Variants in TEC observed in about 807,000 individuals in gnomAD.
TEC encodes tec protein tyrosine kinase, also known as tyrosine-protein kinase Tec.
Under a neutral mutation model 93.0 loss-of-function variants are expected in TEC, and 72 were observed. That is an observed-to-expected ratio of 0.77 (90% CI 0.64 to 0.94). The LOEUF (loss-of-function observed/expected upper bound fraction) is 0.94. TEC is among the 40% of genes least tolerant of loss of function. The pLI is 0.00. For synonymous variants in TEC, 249 were observed against 247.7 expected (o/e 1.01, Z -0.05); for missense variants, 630 against 757.9 (o/e 0.83, Z 1.98).
chr4:48,196,015 A>G (rs1722289504), intron 2 of TEC, among the ~76,000 whole-genome samples: 1 of 152,156 alleles, frequency 6.6e-6, no homozygotes, highest in African/African-American at 2.4e-5. Context: ...TTCTGGTGGT[A>G]CAGAGATACC....
At chr4:48,192,843 ACCT>A (rs1722140063) in intron 2 of TEC, among the ~76,000 whole-genome samples, 2 of 151,996 alleles carry the variant, frequency 1.3e-5, no homozygotes, top group Non-Finnish European at 2.9e-5. Flanking sequence ...TAAATTCAAC[ACCT>A]CCTACCAAGG....
chr4:48,204,092 T>C (rs753264542), intron 2 of TEC, among the ~76,000 whole-genome samples: 1 of 152,216 alleles, frequency 6.6e-6, no homozygotes, highest in Non-Finnish European at 1.5e-5. Flanking sequence ...GACACTGCTA[T>C]TCTTAGCCAG....
chr4:48,189,331 C>CT (rs77920435), intron 2 of TEC, among the ~76,000 whole-genome samples: 17,889 of 152,184 alleles, frequency 0.12, 1,343 homozygotes, highest in East Asian at 0.35. Context: ...CCTGAGAACA[C>CT]TGACTTACAC....
intron 3 of TEC, 38 bp downstream of exon 3, chr4:48,176,044 G>T: frequency 1.3e-6 from 2 of 1,481,892 alleles, no homozygotes; most frequent in Non-Finnish European, 9.4e-7. Flanking sequence ...ACATGACTAA[G>T]CCCAGCACTG....
At chr4:48,152,293 C>T (rs555569921) in intron 9 of TEC, among the ~76,000 whole-genome samples, 4 of 151,926 alleles carry the variant, frequency 2.6e-5, no homozygotes, top group Non-Finnish European at 5.9e-5. Flanking sequence ...TAAAAATTAG[C>T]CAGGCGTGGT....
chr4:48,269,806 C>A lies in TEC; in HGVS notation c.-100G>T, dbSNP rs1021860463. 1 of 152,222 alleles carries A rather than the reference C, an allele frequency of 6.6e-6. No homozygotes were observed. Among genetic ancestry groups the A allele is most frequent in the African/African-American group, 2.4e-5 (1 of 41,446 alleles). 9.4% of individuals were successfully genotyped at this position (152,222 alleles called of 1,614,324 possible). A position where few individuals can be genotyped will look rare whatever the true frequency, so the allele number is the denominator to read the frequency against. Reference sequence around the variant, plus strand: ...TGGGGAGACTGCGAGGTGCAGTCTGCGCCGCGGAGTCCGGAGCCTAGCGCC... The same window carrying A: ...TGGGGAGACTGCGAGGTGCAGTCTGAGCCGCGGAGTCCGGAGCCTAGCGCC... On this transcript the variant is annotated 5_prime_UTR_variant, in exon 1 of 18. Transcript: ENST00000381501.
chr4:48,194,580 C>T (rs1722224032), intron 2 of TEC, among the ~76,000 whole-genome samples: 1 of 152,126 alleles, frequency 6.6e-6, no homozygotes, highest in South Asian at 2.1e-4. Flanking sequence ...ATACAGTCAG[C>T]CATACCAGGT....
At chr4:48,199,862 T>G (rs1382239636) in intron 2 of TEC, among the ~76,000 whole-genome samples, 1 of 152,200 alleles carries the variant, frequency 6.6e-6, no homozygotes, top group East Asian at 1.9e-4. Flanking sequence ...TGCTTTAAAT[T>G]TATTTAGTGC....
chr4:48,264,959 A>G (rs1260434559), intron 1 of TEC, among the ~76,000 whole-genome samples: 1 of 152,002 alleles, frequency 6.6e-6, no homozygotes, highest in Non-Finnish European at 1.5e-5. Context: ...CTGCTTTTTA[A>G]TCCCCCTCTG....
At chr4:48,220,637 C>G (rs544160771) in intron 2 of TEC, among the ~76,000 whole-genome samples, 3 of 152,142 alleles carry the variant, frequency 2.0e-5, no homozygotes, top group African/African-American at 4.8e-5. Context: ...GCTAAATAAA[C>G]CTCTTTTATT....
intron 1 of TEC, among the ~76,000 whole-genome samples, chr4:48,249,433 C>A (rs2109666420): frequency 6.6e-6 from 1 of 152,322 alleles, no homozygotes; most frequent in African/African-American, 2.4e-5. Flanking sequence ...AAGATACACT[C>A]TCCAGTATGT....
At chr4:48,268,928 A>T (rs549075945) in intron 1 of TEC, among the ~76,000 whole-genome samples, 2 of 152,348 alleles carry the variant, frequency 1.3e-5, no homozygotes, top group Non-Finnish European at 1.5e-5. Context: ...ACACACCACC[A>T]TGTTACACGT....
intron 2 of TEC, among the ~76,000 whole-genome samples, chr4:48,199,468 T>C (rs1722419027): frequency 1.5e-5 from 2 of 133,566 alleles, no homozygotes; most frequent in Non-Finnish European, 3.2e-5. Context: ...TTTTTTTTTT[T>C]TTTTTTTTTT....
At chr4:48,230,027 A>T (rs36103122) in intron 1 of TEC, among the ~76,000 whole-genome samples, 24,152 of 151,838 alleles carry the variant, frequency 0.16, 2,136 homozygotes, top group Non-Finnish European at 0.2. Flanking sequence ...GTGAGCCGAG[A>T]TCGCACCATT....
chr4:48,208,144 T>G (rs1205534205), intron 2 of TEC, among the ~76,000 whole-genome samples: 1 of 152,198 alleles, frequency 6.6e-6, no homozygotes, highest in African/African-American at 2.4e-5. Flanking sequence ...AGGTCTCCTC[T>G]ATCCCACTTA....
chr4:48,214,611 G>A (rs1198167761), intron 2 of TEC, among the ~76,000 whole-genome samples: 1 of 152,152 alleles, frequency 6.6e-6, no homozygotes, highest in Non-Finnish European at 1.5e-5. Context: ...CAGCACTTTG[G>A]GAGGCCAAGG....
intron 2 of TEC, among the ~76,000 whole-genome samples, chr4:48,205,880 T>C (rs1310363205): frequency 6.6e-6 from 1 of 152,176 alleles, no homozygotes; most frequent in Non-Finnish European, 1.5e-5. Flanking sequence ...CAAAAACTTG[T>C]ACATGAATAT....
At chr4:48,227,587 G>C (rs1007886106) in intron 2 of TEC, among the ~76,000 whole-genome samples, 5 of 146,632 alleles carry the variant, frequency 3.4e-5, no homozygotes, top group Non-Finnish European at 5.9e-5. Context: ...AGGTTACTGT[G>C]AGCCGAGATC....
At chr4:48,214,566 T>C (rs1385891857) in intron 2 of TEC, among the ~76,000 whole-genome samples, 1 of 152,292 alleles carries the variant, frequency 6.6e-6, no homozygotes, top group African/African-American at 2.4e-5. Flanking sequence ...ATAAATTACA[T>C]GAGGACTGGG....
Sources: allele counts gnomAD v4.1 joint callset (sites outside exome capture counted in the v4.1 genomes callset), GRCh38; gene constraint gnomAD v4.1.1; transcripts MANE v1.5; gene names NCBI Gene and HGNC (gene_info 2026-07-23, HGNC 2026-07-21).